The following RUBCNL variants were observed in gnomAD, a reference collection of about 807,000 sequenced individuals.
RUBCNL encodes the protein protein associated with UVRAG as autophagy enhancer.
Under a neutral mutation model 69.5 loss-of-function variants are expected in RUBCNL, and 62 were observed. The observed-to-expected ratio is 0.89, with a 90% CI of 0.73 to 1.10. The LOEUF (loss-of-function observed/expected upper bound fraction) is 1.10, where lower values mean the gene tolerates loss of function less well. RUBCNL is among the 50% of genes least tolerant of loss of function. The pLI, the probability that RUBCNL is intolerant of heterozygous loss-of-function variation, is 0.00. For missense variants in RUBCNL, 768 were observed against 798.1 expected (o/e 0.96, Z 0.45); for synonymous variants, 291 against 303.6 (o/e 0.96, Z 0.43).
At chr13:46,387,444 C>A, upstream of RUBCNL, 1 of 985,442 alleles carries the variant, frequency 1.0e-6, no homozygotes. Flanking sequence ...GGTGCCGCGG[C>A]GCCCGGGCCC....
chr13:46,372,198 G>A lies in RUBCNL; in HGVS notation c.278C>T (p.Ser93Leu), dbSNP rs202211853. Residue 93 changes from serine (S) to leucine (L), a missense_variant, in exon 3 of 15, where the codon TCG becomes TTG. Ser to Leu is a moderately radical substitution (Grantham distance 145, BLOSUM62 -2). Transcript: ENST00000429979. ...CTCTGCCAGGGAGTCCCCGAGGCAC[G>A]AAGGTGAAGGGCCTGAGGGAGAGGC... ...DAASPSGPSPSCLGDSLAETT... is the reference protein window; with the variant it reads ...DAASPSGPSPLCLGDSLAETT... The A allele has an allele frequency of 1.6e-5, 26 of 1,614,022 alleles. No homozygotes were observed. The highest frequency in any genetic ancestry group is 1.3e-4 in the African/African-American group (10 of 75,046).
In RUBCNL at chr13:46,335,267, T is replaced by G. The variant is rs879286262; in HGVS notation, c.*8118A>C. ...TTTGTTGTTGTTGTTGTTGTTTTTT[T>G]TTTTTTTTTTTTTTTTTTAAGAGAC... On this transcript the variant is annotated 3_prime_UTR_variant, in exon 15 of 15. Transcript: ENST00000429979. Among the ~76,000 whole-genome samples the G allele has an allele frequency of 0.14, 19,994 of 140,030 alleles. 1,659 individuals are homozygous for G. The highest frequency in any genetic ancestry group is 0.2 in the Middle Eastern group (56 of 280). The allele number at this position is 140,030 out of a possible 152,430, so 91.9% of individuals were successfully genotyped here. A position where few individuals can be genotyped will look rare whatever the true frequency, so the allele number is the denominator to read the frequency against.
At chr13:46,346,107 G>A (rs2048240283) in intron 12 of RUBCNL, among the ~76,000 whole-genome samples, 1 of 152,300 alleles carries the variant, frequency 6.6e-6, no homozygotes. Context: ...GCAGCCAACT[G>A]CCAGTGGTCA....
At chr13:46,345,626 T>C in intron 12 of RUBCNL, 26 bp from the exon 13 acceptor site, 2 of 1,611,282 alleles carry the variant, frequency 1.2e-6, no homozygotes. Context: ...CAAAGAGGAA[T>C]TCAGAAACCC....
At chr13:46,387,980 G>A, upstream of RUBCNL, 1 of 337,048 alleles carries the variant, frequency 3.0e-6, no homozygotes, top group Non-Finnish European at 4.2e-6. Flanking sequence ...GGGAGGCCAA[G>A]TCGGATGGAT....
intron 5 of RUBCNL, among the ~76,000 whole-genome samples, chr13:46,363,860 C>CAA (rs752140692): frequency 3.3e-5 from 3 of 89,566 alleles, no homozygotes; most frequent in African/African-American, 1.3e-4. Context: ...GACCCTGTCT[C>CAA]AAAAAAAAAA....
intron 8 of RUBCNL, among the ~76,000 whole-genome samples, chr13:46,361,183 C>T (rs986052602): frequency 2.0e-5 from 3 of 152,132 alleles, no homozygotes; most frequent in African/African-American, 7.2e-5. Flanking sequence ...TGAGATTGCG[C>T]CACTGCACTC....
intron 8 of RUBCNL, among the ~76,000 whole-genome samples, chr13:46,360,218 G>A (rs1384793920): frequency 6.6e-6 from 1 of 152,084 alleles, no homozygotes; most frequent in Non-Finnish European, 1.5e-5. Context: ...GTGAAACCCT[G>A]TCTCTACTAA....
At chr13:46,361,946 T>A (rs1217903384) in intron 7 of RUBCNL, among the ~76,000 whole-genome samples, 1 of 151,784 alleles carries the variant, frequency 6.6e-6, no homozygotes, top group Non-Finnish European at 1.5e-5. Flanking sequence ...AAATATATGG[T>A]CGGGCATGGT....
chr13:46,362,933 T>TAG (rs1245305202), intron 6 of RUBCNL, among the ~76,000 whole-genome samples, 182 bp downstream of exon 6: 2 of 49,908 alleles, frequency 4.0e-5, no homozygotes, highest in Non-Finnish European at 6.4e-5. Flanking sequence ...CATATATATA[T>TAG]ATATAGATAT....
intron 10 of RUBCNL, among the ~76,000 whole-genome samples, chr13:46,353,986 T>A (rs2048428027): frequency 6.6e-6 from 1 of 152,158 alleles, no homozygotes; most frequent in African/African-American, 2.4e-5. Flanking sequence ...AGAGAATCAA[T>A]AACTAAATGC....
chr13:46,375,934 CT>C (rs1455652963), intron 2 of RUBCNL, among the ~76,000 whole-genome samples: 1 of 152,172 alleles, frequency 6.6e-6, no homozygotes, highest in Non-Finnish European at 1.5e-5. Context: ...TTTTTCCTCT[CT>C]TCAGTCTACT....
upstream of RUBCNL, among the ~76,000 whole-genome samples, chr13:46,388,407 CAAGG>C (rs2049297219): frequency 7.1e-6 from 1 of 141,352 alleles, no homozygotes; most frequent in Non-Finnish European, 1.5e-5. Context: ...GAATCTAAGC[CAAGG>C]AAGGAAGGAA....
intron 1 of RUBCNL, among the ~76,000 whole-genome samples, chr13:46,380,086 T>C (rs1308430984): frequency 6.6e-6 from 1 of 152,194 alleles, no homozygotes; most frequent in Admixed American, 6.5e-5. Context: ...CTGGGTGGTA[T>C]CACAAAGGAC....
At chr13:46,361,935 T>C (rs1484106893) in intron 7 of RUBCNL, among the ~76,000 whole-genome samples, 1 of 151,898 alleles carries the variant, frequency 6.6e-6, no homozygotes, top group Non-Finnish European at 1.5e-5. Flanking sequence ...TAAAAATACA[T>C]AAATATATGG....
At chr13:46,350,637 C>A (rs1439478693) in intron 10 of RUBCNL, 2 of 318,148 alleles carry the variant, frequency 6.3e-6, no homozygotes, top group Non-Finnish European at 5.8e-6. Flanking sequence ...TGCAGTGTAG[C>A]AAAAGGAACA....
intron 1 of RUBCNL, chr13:46,385,124 A>T: frequency 9.3e-6 from 2 of 215,076 alleles, no homozygotes; most frequent in Non-Finnish European, 1.6e-5. Context: ...GGATGGTGTG[A>T]GAACGAACAG....
At position 46,371,970 on chromosome 13, in the gene RUBCNL, G is replaced by C; in HGVS notation, c.506C>G (p.Pro169Arg). ...YPETDSAFFEPSHLTSAADEG... is the reference protein window; with the variant it reads ...YPETDSAFFERSHLTSAADEG... ...ATCAGCAGCAGATGTCAGATGGGAA[G>C]GCTCAAAAAAAGCACTGTCAGTCTC... Residue 169 changes from proline (P) to arginine (R), a missense_variant, in exon 3 of 15, where the codon CCT becomes CGT. Coordinates refer to ENST00000429979, the MANE Select transcript of RUBCNL (RefSeq NM_025113.5). 6.2e-7 allele frequency: 1 copy of C among 1,614,008 alleles called. No homozygotes were observed. Among genetic ancestry groups the C allele is most frequent in the Non-Finnish European group, 8.5e-7 (1 of 1,179,890 alleles).
intron 10 of RUBCNL, among the ~76,000 whole-genome samples, chr13:46,355,099 T>C (rs2048455281): frequency 6.6e-6 from 1 of 152,146 alleles, no homozygotes; most frequent in Admixed American, 6.5e-5. Context: ...TGCTTGCTAT[T>C]TTTATCTCTT....
Sources: gnomAD v4.1 joint callset for allele counts (sites outside exome capture counted in the v4.1 genomes callset) on GRCh38, gnomAD v4.1.1 for gene constraint, MANE v1.5 for transcripts, NCBI Gene and HGNC (gene_info 2026-07-23, HGNC 2026-07-21) for gene names.